Variants in NCOA2 observed in about 807,000 individuals in gnomAD.
NCOA2 encodes nuclear receptor coactivator 2.
Under a neutral mutation model 145.1 loss-of-function variants are expected in NCOA2, and 21 were observed. That is an observed-to-expected ratio of 0.14 (90% CI 0.10 to 0.21). The LOEUF is 0.21. NCOA2 is among the 10% of genes least tolerant of loss of function. The pLI, the probability that NCOA2 is intolerant of heterozygous loss-of-function variation, is 1.00. For synonymous variants in NCOA2, 619 were observed against 637.5 expected (o/e 0.97, Z 0.44); for missense variants, 1,472 against 1,837.6 (o/e 0.80, Z 3.64).
chr8:70,392,690 G>C (rs956731114), intron 1 of NCOA2, among the ~76,000 whole-genome samples: 2 of 152,064 alleles, frequency 1.3e-5, no homozygotes, highest in African/African-American at 2.4e-5. Context: ...TACCTTTTCA[G>C]AACTACTGAA....
intron 10 of NCOA2, among the ~76,000 whole-genome samples, chr8:70,157,545 A>T (rs562869311): frequency 1.9e-4 from 29 of 152,330 alleles, no homozygotes; most frequent in Admixed American, 9.1e-4. Flanking sequence ...CAGGGTTCCA[A>T]TTACATAATA....
At chr8:70,443,539 C>T in the NCOA2 span, among the ~76,000 whole-genome samples, 1 of 151,912 alleles carries the variant, frequency 6.6e-6, no homozygotes, top group African/African-American at 2.4e-5. Context: ...TGCAGGGTAG[C>T]TCTGTTCTAT....
intron 2 of NCOA2, among the ~76,000 whole-genome samples, chr8:70,218,055 C>T (rs760110346): frequency 1.3e-5 from 2 of 151,752 alleles, no homozygotes; most frequent in Non-Finnish European, 2.9e-5. Context: ...AGAGTAAGGA[C>T]AAAGAGCAAG....
At chr8:70,329,810 T>C (rs556477102) in intron 1 of NCOA2, among the ~76,000 whole-genome samples, 1 of 152,268 alleles carries the variant, frequency 6.6e-6, no homozygotes, top group South Asian at 2.1e-4. Flanking sequence ...CAAAGAAGCC[T>C]GACACAAAAA....
chr8:70,189,216 G>A (rs1358670998), intron 4 of NCOA2, among the ~76,000 whole-genome samples: 2 of 152,112 alleles, frequency 1.3e-5, no homozygotes, highest in East Asian at 3.8e-4. Flanking sequence ...GCATTGCTAG[G>A]CTCTTAGGTG....
At chr8:70,205,304 G>A (rs1364396622) in intron 4 of NCOA2, among the ~76,000 whole-genome samples, 2 of 152,138 alleles carry the variant, frequency 1.3e-5, no homozygotes, top group East Asian at 1.9e-4. Flanking sequence ...TGGATAGGGA[G>A]GAAAGAATAC....
chr8:70,156,807 A>G lies in NCOA2; in HGVS notation c.1558T>C (p.Cys520Arg). 2 of 1,614,016 alleles carry G rather than the reference A, an allele frequency of 1.2e-6. No homozygotes were observed. The highest frequency in any genetic ancestry group is 1.7e-6 in the Non-Finnish European group (2 of 1,179,894). The change falls in exon 11 of 23, where the codon TGC becomes CGC. Residue 520 changes from cysteine to arginine, a missense_variant. Physicochemically the swap from Cys to Arg is radical, Grantham distance 180 (BLOSUM62 -3). Around this residue, in one of 4 missense-constraint regions of NCOA2, gnomAD observed 953 missense variants for 1,062.1 expected, o/e 0.90. Transcript: ENST00000452400. ...CTATGGCTATTTCCTGTGCTGCTGC[A>G]AACTCCCACAGGGGAATGCAAGCTT... Reference protein sequence around the residue: ...AGSLHSPVGVCSSTGNSHSYT... With the variant: ...AGSLHSPVGVRSSTGNSHSYT...
the NCOA2 span, among the ~76,000 whole-genome samples, chr8:70,432,033 C>A: frequency 6.6e-6 from 1 of 152,126 alleles, no homozygotes; most frequent in African/African-American, 2.4e-5. Context: ...CTCAAGCACA[C>A]AAAATTAGGG....
At chr8:70,194,320 T>C (rs1817025586) in intron 4 of NCOA2, among the ~76,000 whole-genome samples, 1 of 152,210 alleles carries the variant, frequency 6.6e-6, no homozygotes, top group South Asian at 2.1e-4. Context: ...CTAAGCACTC[T>C]TGGCCCTCAG....
chr8:70,381,543 A>C (rs1812195780), intron 1 of NCOA2, among the ~76,000 whole-genome samples: 1 of 152,244 alleles, frequency 6.6e-6, no homozygotes, highest in South Asian at 2.1e-4. Context: ...AATATTAATC[A>C]TGGAAAAGTA....
chr8:70,413,552 T>C, the NCOA2 span, among the ~76,000 whole-genome samples: 1 of 152,186 alleles, frequency 6.6e-6, no homozygotes, highest in Non-Finnish European at 1.5e-5. Context: ...ACAGACTGCA[T>C]CTAAATAATT....
At chr8:70,455,305 T>C in the NCOA2 span, among the ~76,000 whole-genome samples, 1 of 152,226 alleles carries the variant, frequency 6.6e-6, no homozygotes, top group Non-Finnish European at 1.5e-5. Context: ...CAGGGCTCAC[T>C]GCCTAGAAAT....
At chr8:70,141,663 G>A (rs1810450078) in intron 13 of NCOA2, among the ~76,000 whole-genome samples, 2 of 152,154 alleles carry the variant, frequency 1.3e-5, no homozygotes, top group Admixed American at 6.5e-5. Context: ...TTAGAAACAG[G>A]TGCCGTGGCG....
chr8:70,426,268 T>C, the NCOA2 span, among the ~76,000 whole-genome samples: 2 of 152,220 alleles, frequency 1.3e-5, no homozygotes, highest in Admixed American at 6.5e-5. Context: ...AATGTGTATA[T>C]GATATGACAC....
chr8:70,270,322 G>A (rs1223756919), intron 2 of NCOA2, among the ~76,000 whole-genome samples: 1 of 152,156 alleles, frequency 6.6e-6, no homozygotes, highest in African/African-American at 2.4e-5. Flanking sequence ...CTATGCAACA[G>A]CCGAAAAATT....
chr8:70,387,142 G>C (rs1401669248), intron 1 of NCOA2, among the ~76,000 whole-genome samples: 1 of 152,066 alleles, frequency 6.6e-6, no homozygotes, highest in Non-Finnish European at 1.5e-5. Context: ...CTCTAGTCAA[G>C]AAAAAAGCCT....
intron 2 of NCOA2, among the ~76,000 whole-genome samples, chr8:70,262,174 G>A (rs1431419399): frequency 6.6e-6 from 1 of 152,042 alleles, no homozygotes; most frequent in Non-Finnish European, 1.5e-5. Context: ...AAGCCTAATG[G>A]TAAACACTTT....
chr8:70,201,210 T>A (rs891520083), intron 4 of NCOA2, among the ~76,000 whole-genome samples: 16 of 152,148 alleles, frequency 1.1e-4, no homozygotes, highest in African/African-American at 3.6e-4. Flanking sequence ...TTAGAGTCTT[T>A]AAATCAATAA....
the NCOA2 span, among the ~76,000 whole-genome samples, chr8:70,433,239 AT>A: frequency 6.6e-6 from 1 of 152,060 alleles, no homozygotes; most frequent in African/African-American, 2.4e-5. Context: ...GTCAATAGTG[AT>A]TTTTGTCAAA....
Sources: allele counts gnomAD v4.1 joint callset (sites outside exome capture counted in the v4.1 genomes callset), GRCh38; gene constraint gnomAD v4.1.1; regional missense constraint gnomAD v4.1.1; transcripts MANE v1.5; gene names NCBI Gene and HGNC (gene_info 2026-07-23, HGNC 2026-07-21).